The following DLG2 variants were observed in gnomAD, a reference collection of about 807,000 sequenced individuals.
The protein encoded by DLG2 is disks large homolog 2.
Under a neutral mutation model 132.5 loss-of-function variants are expected in DLG2, and 45 were observed. That is an observed-to-expected ratio of 0.34 (90% CI 0.27 to 0.44). The LOEUF is 0.44. Ranked by LOEUF, DLG2 falls within the 20% of genes least tolerant of loss-of-function variation. The pLI, the probability that DLG2 is intolerant of heterozygous loss-of-function variation, is 1.00. For synonymous variants in DLG2, 424 were observed against 419.6 expected (o/e 1.01, Z -0.13); for missense variants, 1,045 against 1,196.9 (o/e 0.87, Z 1.87).
rs568672037 is a variant in DLG2, at chr11:85,494,893, A to AT, written c.40+103763dup. Reference sequence around the variant, plus strand: ...ACAATCATGAAGTAAAAGTGATACCATAAAAAAAACAGTGAAAAACATGCT... The same window carrying AT: ...ACAATCATGAAGTAAAAGTGATACCATTAAAAAAAACAGTGAAAAACATGCT... On this transcript the variant is annotated intron_variant, in intron 3 of 27. Coordinates refer to ENST00000376104, the MANE Select transcript of DLG2 (RefSeq NM_001142699.3). 1.4e-4 allele frequency among the ~76,000 whole-genome samples: 7 copies of AT among 50,676 alleles called. No individual in the cohort carries two copies. The East Asian group carries it at 3.0e-3, about 21-fold the overall frequency. 33.2% of individuals were successfully genotyped at this position (50,676 alleles called of 152,430 possible).
intron 18 of DLG2, among the ~76,000 whole-genome samples, chr11:83,672,372 T>A (rs2076979625): frequency 6.6e-6 from 1 of 152,026 alleles, no homozygotes; most frequent in Admixed American, 6.6e-5. Flanking sequence ...ATACAGGGTT[T>A]CTCCATGTTG....
chr11:85,463,793 C>A (rs965965271), intron 3 of DLG2, among the ~76,000 whole-genome samples: 4 of 151,516 alleles, frequency 2.6e-5, no homozygotes, highest in African/African-American at 9.7e-5. Flanking sequence ...TTTTAAAAAA[C>A]CTCGTCAGAT....
At chr11:84,349,615 C>T (rs1206446411) in intron 7 of DLG2, among the ~76,000 whole-genome samples, 1 of 152,168 alleles carries the variant, frequency 6.6e-6, no homozygotes, top group Admixed American at 6.5e-5. Flanking sequence ...ACCCATGTGC[C>T]ATAGTGACTA....
chr11:84,506,289 A>G (rs1187692225), intron 7 of DLG2, among the ~76,000 whole-genome samples: 1 of 151,196 alleles, frequency 6.6e-6, no homozygotes, highest in Non-Finnish European at 1.5e-5. Flanking sequence ...TTTAGCCGGG[A>G]TGGTCTCGAT....
intron 3 of DLG2, among the ~76,000 whole-genome samples, chr11:85,592,376 C>T (rs1471647726): frequency 6.6e-6 from 1 of 152,150 alleles, no homozygotes; most frequent in African/African-American, 2.4e-5. Flanking sequence ...CTGTTTTGAA[C>T]AGTCAAGACT....
intron 18 of DLG2, among the ~76,000 whole-genome samples, chr11:83,757,502 A>C (rs983424559): frequency 6.6e-6 from 1 of 152,212 alleles, no homozygotes; most frequent in African/African-American, 2.4e-5. Context: ...CACTCAATGC[A>C]TAATGGTAGG....
chr11:84,229,833 G>A (rs1419414499), intron 8 of DLG2, among the ~76,000 whole-genome samples: 1 of 152,110 alleles, frequency 6.6e-6, no homozygotes, highest in African/African-American at 2.4e-5. Context: ...GTGGTTGTGA[G>A]GATCAAATTA....
At chr11:84,548,157 A>G (rs995274779) in intron 6 of DLG2, among the ~76,000 whole-genome samples, 2 of 152,184 alleles carry the variant, frequency 1.3e-5, no homozygotes, top group Admixed American at 1.3e-4. Flanking sequence ...TGACAGAAAG[A>G]AAAACAGTAA....
At chr11:83,591,841 A>G (rs1238601999) in intron 19 of DLG2, among the ~76,000 whole-genome samples, 1 of 150,430 alleles carries the variant, frequency 6.6e-6, no homozygotes, top group Non-Finnish European at 1.5e-5. Context: ...ATTCTTATAC[A>G]CCAATAACAG....
At chr11:84,935,431 C>G (rs1417782373) in intron 6 of DLG2, among the ~76,000 whole-genome samples, 1 of 152,124 alleles carries the variant, frequency 6.6e-6, no homozygotes, top group African/African-American at 2.4e-5. Context: ...ATAAACCCAG[C>G]CTGATTTAGA....
intron 6 of DLG2, among the ~76,000 whole-genome samples, chr11:84,621,855 T>G (rs566496493): frequency 6.6e-6 from 1 of 152,168 alleles, no homozygotes; most frequent in East Asian, 1.9e-4. Context: ...ATTTATTTGC[T>G]CAGAACACCG....
intron 7 of DLG2, among the ~76,000 whole-genome samples, chr11:84,259,745 C>A (rs1352374654): frequency 2.0e-5 from 3 of 152,122 alleles, no homozygotes; most frequent in Admixed American, 6.5e-5. Context: ...ACTCTGCTTG[C>A]CTGAACTCTT....
intron 6 of DLG2, among the ~76,000 whole-genome samples, chr11:84,780,968 A>T (rs1207461297): frequency 1.5e-5 from 2 of 136,198 alleles, no homozygotes; most frequent in African/African-American, 5.4e-5. Flanking sequence ...CAAGCTATGA[A>T]TTGTGAAGTG....
At chr11:84,036,664 G>A (rs1225087443) in intron 11 of DLG2, among the ~76,000 whole-genome samples, 1 of 152,044 alleles carries the variant, frequency 6.6e-6, no homozygotes, top group African/African-American at 2.4e-5. Context: ...AATTGCAAGA[G>A]TTTTCTTAGA....
chr11:85,486,668 T>C (rs940407144), intron 3 of DLG2, among the ~76,000 whole-genome samples: 4 of 152,022 alleles, frequency 2.6e-5, no homozygotes, highest in South Asian at 2.1e-4. Flanking sequence ...TGCCCACCCA[T>C]AGCAGTCACC....
chr11:84,173,236 C>A (rs1037963834), intron 8 of DLG2, among the ~76,000 whole-genome samples: 1 of 152,176 alleles, frequency 6.6e-6, no homozygotes, highest in African/African-American at 2.4e-5. Flanking sequence ...GCACCATGTG[C>A]AGGATGGAGA....
chr11:85,363,976 A>G (rs1289643762), intron 3 of DLG2, among the ~76,000 whole-genome samples: 3 of 152,186 alleles, frequency 2.0e-5, no homozygotes, highest in African/African-American at 7.2e-5. Flanking sequence ...TCTTAAAACA[A>G]AAGTCATGTT....
intron 6 of DLG2, among the ~76,000 whole-genome samples, chr11:84,859,212 C>T (rs1159289282): frequency 6.7e-6 from 1 of 150,368 alleles, no homozygotes; most frequent in Non-Finnish European, 1.5e-5. Context: ...ATTTGTTGCT[C>T]TTAAAGAAAT....
At chr11:85,468,454 T>C (rs933333991) in intron 3 of DLG2, among the ~76,000 whole-genome samples, 2 of 152,240 alleles carry the variant, frequency 1.3e-5, no homozygotes, top group Admixed American at 1.3e-4. Context: ...CATTTAGTGC[T>C]ATAGATTTCC....
Sources: allele counts gnomAD v4.1 joint callset (sites outside exome capture counted in the v4.1 genomes callset), GRCh38; gene constraint gnomAD v4.1.1; transcripts MANE v1.5; gene names NCBI Gene and HGNC (gene_info 2026-07-23, HGNC 2026-07-21).